The following ITGA2B variants were observed in gnomAD, a reference collection of about 807,000 sequenced individuals.
ITGA2B encodes integrin alpha-IIb.
ITGA2B carries 91 observed loss-of-function variants against 142.0 expected under a neutral mutation model. That is an observed-to-expected ratio of 0.64 (90% CI 0.54 to 0.76). ITGA2B has a LOEUF of 0.76. Among genes scored for constraint, ITGA2B ranks in the 30% least tolerant of loss-of-function variants. ITGA2B has a pLI of 0.00. For missense variants in ITGA2B, 1,231 were observed against 1,350.8 expected, an observed-to-expected ratio of 0.91 and a Z score of 1.39; for synonymous variants, 536 against 567.2, an observed-to-expected ratio of 0.94 and a Z score of 0.78.
In ITGA2B at chr17:44,379,885, C is replaced by A; in HGVS notation, c.1753-71G>T. ...CCACCTTCTCCTGGCCAGTAGGCAC[C>A]GTGTCCTGACCACCCCCGGACTCAC... On this transcript the variant is annotated intron_variant, in intron 17 of 29. Transcript: ENST00000262407. The A allele has an allele frequency of 3.1e-6, 5 of 1,612,462 alleles. No individual in the cohort carries two copies. The South Asian group carries it at 5.5e-5, about 18-fold the overall frequency.
chr17:44,384,180 A>G (rs2143479613), intron 9 of ITGA2B, 42 bp from the exon 10 acceptor site: 1 of 1,610,018 alleles, frequency 6.2e-7, no homozygotes, highest in East Asian at 2.2e-5. Flanking sequence ...CTTGTACCCA[A>G]AGCAACCTCC....
chr17:44,373,786 A>G (rs1258046281), intron 29 of ITGA2B: 1 of 172,188 alleles, frequency 5.8e-6, no homozygotes, highest in African/African-American at 2.4e-5. Flanking sequence ...AGGGGTGTCT[A>G]AAGGCCTCAG....
At chr17:44,385,478 T>C (rs1245331506) in intron 4 of ITGA2B, 73 bp downstream of exon 4, 2 of 1,284,992 alleles carry the variant, frequency 1.6e-6, no homozygotes, top group Non-Finnish European at 2.0e-6. Context: ...GCTGCGGCGC[T>C]GGGGGCGGGA....
chr17:44,377,112 T>C lies in ITGA2B; in HGVS notation c.2188-24A>G, dbSNP rs1387207325. 4 of 1,546,996 alleles carry C rather than the reference T, an allele frequency of 2.6e-6. No homozygotes were observed. The South Asian group carries it at 4.7e-5, about 18-fold the overall frequency. ...ATCTGGGAGATGAGGAGGGCCAAGGTCACTGCCCAAGTGCCCCACTTAGGA... is the reference window on the plus strand; with the variant it reads ...ATCTGGGAGATGAGGAGGGCCAAGGCCACTGCCCAAGTGCCCCACTTAGGA... On this transcript the variant is annotated intron_variant, in intron 21 of 29. Coordinates refer to ENST00000262407, the MANE Select transcript of ITGA2B (RefSeq NM_000419.5).
rs2048642260 is a variant in ITGA2B at position 44,385,711 on chromosome 17, G to T, written c.414C>A (p.Cys138Ter). The change falls in exon 4 of 30, where the codon TGC becomes TGA. Residue 138 changes from cysteine to a stop codon, truncating the protein, a stop_gained. Coordinates refer to ENST00000262407, the MANE Select transcript of ITGA2B (RefSeq NM_000419.5). LOFTEE classifies it high-confidence loss of function. The stretch of plus-strand genomic sequence containing the variant: ...GGACGTTCCAGTGCTGCCAGGGGGC[G>T]CAGGCCTGGAGAAAGGCCACAGGAG... ...VVSWSDVIVA[C>*]APWQHWNVLE... 1 of 1,613,506 alleles carries T rather than the reference G, an allele frequency of 6.2e-7. No individual in the cohort carries two copies. Among genetic ancestry groups the T allele is most frequent in the African/African-American group, 1.3e-5 (1 of 75,062 alleles).
intron 6 of ITGA2B, 41 bp downstream of exon 6, chr17:44,385,123 G>A: frequency 1.2e-6 from 2 of 1,614,128 alleles, no homozygotes; most frequent in South Asian, 2.2e-5. Flanking sequence ...CGGTCTCCTT[G>A]GGCCGCGAGA....
At position 44,376,995 on chromosome 17, in the gene ITGA2B, C is replaced by G. The variant is rs189174164; in HGVS notation, c.2267+14G>C. ...GGGAAGGGTGGTGGGTAGGCACGCT[C>G]GCCAGGTCAGTACCTCCGTATCTGC... On this transcript the variant is annotated intron_variant, in intron 22 of 29. Coordinates refer to ENST00000262407, the MANE Select transcript of ITGA2B (RefSeq NM_000419.5). The G allele has an allele frequency of 1.9e-6, 3 of 1,573,944 alleles. No individual in the cohort carries two copies. The highest frequency in any genetic ancestry group is 1.7e-6 in the Non-Finnish European group (2 of 1,160,538).
chr17:44,380,002 T>G lies in ITGA2B; in HGVS notation c.1752A>C (p.Arg584=). 6.2e-7 allele frequency: 1 copy of G among 1,613,302 alleles called. No individual in the cohort carries two copies. The highest frequency in any genetic ancestry group is 2.2e-5 in the East Asian group (1 of 44,890). ...PICHTTMAFL[R]DEADFRDKLS... The stretch of plus-strand genomic sequence containing the variant: ...CTGCCAATCCCCTGCCTGGGCGTAC[T>G]CGAAGGAAGGCCATGGTGGTGTGGC... The change falls in exon 17 of 30, where the codon CGA becomes CGC. Residue 584 remains arginine, a splice_region_variant and synonymous_variant. Transcript: ENST00000262407.
chr17:44,384,228 G>A (rs1272470693), intron 9 of ITGA2B, 83 bp downstream of exon 9: 7 of 1,589,550 alleles, frequency 4.4e-6, no homozygotes, highest in African/African-American at 4.0e-5. Flanking sequence ...TGGAGGCGGG[G>A]CGGGGGTGGG....
At chr17:44,385,426 G>GC (rs1456734171) in intron 4 of ITGA2B, 91 bp from the exon 5 acceptor site, 24 of 1,535,952 alleles carry the variant, frequency 1.6e-5, no homozygotes, top group Non-Finnish European at 2.0e-5. Flanking sequence ...GCGGGGCCTT[G>GC]AGTCGGCGGG....
chr17:44,385,786 C>T (rs1348737909), intron 3 of ITGA2B, 38 bp downstream of exon 3: 13 of 1,610,360 alleles, frequency 8.1e-6, no homozygotes, highest in African/African-American at 1.3e-5. Flanking sequence ...GTGTCCCTGC[C>T]CCCGATTGTT....
At chr17:44,378,222 C>T in intron 20 of ITGA2B, 140 bp downstream of exon 20, 1 of 1,189,656 alleles carries the variant, frequency 8.4e-7, no homozygotes, top group South Asian at 2.1e-5. Context: ...TATTCCTCCT[C>T]CAAATTAAAA....
At chr17:44,382,086 C>T (rs894412505) in intron 12 of ITGA2B, among the ~76,000 whole-genome samples, 1 of 152,092 alleles carries the variant, frequency 6.6e-6, no homozygotes, top group Non-Finnish European at 1.5e-5. Flanking sequence ...CCATTTGACC[C>T]TGGAAGAGGT....
At position 44,374,667 on chromosome 17, in the gene ITGA2B, C is replaced by G; in HGVS notation, c.2935G>C (p.Glu979Gln). 1 of 1,613,684 alleles carries G rather than the reference C, an allele frequency of 6.2e-7. No individual in the cohort carries two copies. The highest frequency in any genetic ancestry group is 8.5e-7 in the Non-Finnish European group (1 of 1,179,618). ...AVPPLSLPRGEAQVWTQLLRA... is the reference protein window; with the variant it reads ...AVPPLSLPRGQAQVWTQLLRA... Reference sequence around the variant, plus strand: ...CATCCCCCCACACTCACCTGAGCTTCCCCTCGGGGCAGGCTGAGCGGGGGC... The same window carrying G: ...CATCCCCCCACACTCACCTGAGCTTGCCCTCGGGGCAGGCTGAGCGGGGGC... Residue 979 changes from glutamate (E) to glutamine (Q), a missense_variant, in exon 28 of 30, where the codon GAA becomes CAA. By Grantham distance (29) the Glu-to-Gln change is conservative (BLOSUM62 2). This residue lies in a region of ITGA2B where 908 missense variants were observed against 1,021.1 expected (regional missense o/e 0.89). Transcript: ENST00000262407.
Position 44,389,474 on chromosome 17 carries a change from C to T in ITGA2B, c.-1G>A. The T allele has an allele frequency of 3.7e-6, 6 of 1,613,120 alleles. No homozygotes were observed. The highest frequency in any genetic ancestry group is 5.1e-6 in the Non-Finnish European group (6 of 1,179,928). Reference sequence around the variant, plus strand: ...GCAGTGGACACAAAGCTCTGGCCATCTTCCTTCTTCCACAACCTCCCAGGC... The same window carrying T: ...GCAGTGGACACAAAGCTCTGGCCATTTTCCTTCTTCCACAACCTCCCAGGC... On this transcript the variant is annotated 5_prime_UTR_variant, in exon 1 of 30. Coordinates refer to ENST00000262407, the MANE Select transcript of ITGA2B (RefSeq NM_000419.5).
intron 18 of ITGA2B, 126 bp downstream of exon 18, chr17:44,379,563 G>A: frequency 6.8e-7 from 1 of 1,466,074 alleles, no homozygotes; most frequent in Non-Finnish European, 9.5e-7. Flanking sequence ...TGGATTTTGA[G>A]GTTTTCATTA....
Position 44,385,440 on chromosome 17 carries a change from C to G in ITGA2B, c.575-105G>C. On this transcript the variant is annotated intron_variant, in intron 4 of 29. Coordinates refer to ENST00000262407, the MANE Select transcript of ITGA2B (RefSeq NM_000419.5). ...GGCGGGGCCTTGAGTCGGCGGGGCC[C>G]TGGGGCGAGGCCAGATCCAAAGCAA... 2.6e-6 allele frequency: 4 copies of G among 1,514,596 alleles called. No homozygotes were observed. In the Admixed American group the frequency reaches 7.9e-5, roughly 30 times the overall value. The allele number at this position is 1,514,596 out of a possible 1,614,324, so 93.8% of individuals were successfully genotyped here. A position where few individuals can be genotyped will look rare whatever the true frequency, so the allele number is the denominator to read the frequency against.
intron 29 of ITGA2B, chr17:44,373,837 G>C (rs1211620918): frequency 4.9e-6 from 1 of 205,822 alleles, no homozygotes; most frequent in Non-Finnish European, 1.0e-5. Flanking sequence ...GTGTCTGGAA[G>C]GGTTCCCAGG....
In ITGA2B at chr17:44,385,009, G is replaced by A. The variant is rs561254088; in HGVS notation, c.738C>T (p.His246=). 5.6e-6 allele frequency: 9 copies of A among 1,614,144 alleles called. No individual in the cohort carries two copies. Among genetic ancestry groups the A allele is most frequent in the Non-Finnish European group, 6.8e-6 (8 of 1,180,016 alleles). Residue 246 remains histidine, a synonymous_variant, in exon 7 of 30, where the codon CAC becomes CAT. Transcript: ENST00000262407. The stretch of plus-strand genomic sequence containing the variant: ...CAAAGGAGAGGCTCTGGGAGGACAC[G>A]TGCCACAAAAGGATGCCTGGGCGGT... The part of the protein sequence containing the change: ...SSYRPGILLW[H]VSSQSLSFDS...
Sources: allele counts gnomAD v4.1 joint callset (sites outside exome capture counted in the v4.1 genomes callset), GRCh38; gene constraint gnomAD v4.1.1; regional missense constraint gnomAD v4.1.1; transcripts MANE v1.5; gene names NCBI Gene and HGNC (gene_info 2026-07-23, HGNC 2026-07-21).